Variants in NLGN1 observed in about 807,000 individuals in gnomAD.
The protein encoded by NLGN1 is neuroligin-1.
Under a neutral mutation model 65.5 loss-of-function variants are expected in NLGN1, and 12 were observed. The observed-to-expected ratio is 0.18, with a 90% CI of 0.12 to 0.30. NLGN1 has a LOEUF of 0.30. NLGN1 is among the 10% of genes least tolerant of loss of function. NLGN1 has a pLI of 1.00. For synonymous variants in NLGN1, 350 were observed against 359.5 expected, an observed-to-expected ratio of 0.97 and a Z score of 0.30; for missense variants, 750 against 1,007.1, an observed-to-expected ratio of 0.74 and a Z score of 3.46.
chr3:173,719,245 A>G (rs1056817432), intron 3 of NLGN1, among the ~76,000 whole-genome samples: 1 of 152,126 alleles, frequency 6.6e-6, no homozygotes, highest in African/African-American at 2.4e-5. Flanking sequence ...ATTTATTTTG[A>G]TCTCTGATTT....
intron 2 of NLGN1, among the ~76,000 whole-genome samples, chr3:173,602,498 C>T (rs1246933592): frequency 1.3e-5 from 2 of 151,934 alleles, no homozygotes; most frequent in African/African-American, 2.4e-5. Context: ...CAATCCTGTG[C>T]AATTTGCGTT....
intron 4 of NLGN1, among the ~76,000 whole-genome samples, chr3:174,154,083 A>G (rs1434780504): frequency 6.6e-6 from 1 of 152,064 alleles, no homozygotes; most frequent in Non-Finnish European, 1.5e-5. Flanking sequence ...TTTGATGATA[A>G]TTCATCTTTA....
chr3:173,475,211 A>G (rs1725988641), intron 2 of NLGN1, among the ~76,000 whole-genome samples: 2 of 152,198 alleles, frequency 1.3e-5, no homozygotes, highest in South Asian at 2.1e-4. Flanking sequence ...TTTCTAAACT[A>G]ACGTTATTTC....
chr3:173,413,208 A>C (rs1712960612), intron 1 of NLGN1, among the ~76,000 whole-genome samples: 1 of 152,112 alleles, frequency 6.6e-6, no homozygotes, highest in Non-Finnish European at 1.5e-5. Flanking sequence ...TTCTGCCTGC[A>C]GAACTTTTAA....
At chr3:174,071,005 T>C (rs1183335644) in intron 4 of NLGN1, among the ~76,000 whole-genome samples, 1 of 151,956 alleles carries the variant, frequency 6.6e-6, no homozygotes, top group Non-Finnish European at 1.5e-5. Flanking sequence ...CAATGAGTCA[T>C]GATCACGCCA....
intron 3 of NLGN1, among the ~76,000 whole-genome samples, chr3:173,725,455 A>G (rs779176793): frequency 6.6e-6 from 1 of 152,206 alleles, no homozygotes; most frequent in Non-Finnish European, 1.5e-5. Context: ...ATCTGCAGCA[A>G]TGCCTAGCAC....
chr3:173,950,188 C>T (rs1747931814), intron 4 of NLGN1, among the ~76,000 whole-genome samples: 1 of 152,150 alleles, frequency 6.6e-6, no homozygotes, highest in Middle Eastern at 3.4e-3. Flanking sequence ...ACAAATGGAA[C>T]TGTTGGTAAA....
chr3:174,234,128 G>A lies in NLGN1; in HGVS notation c.647-41187G>A, dbSNP rs574336364. On this transcript the variant is annotated intron_variant, in intron 4 of 6. Transcript: ENST00000457714. The stretch of plus-strand genomic sequence containing the variant: ...CCTCAGAAGAAAGAATTCAACCAAG[G>A]GGCATAAGGCAGAATGAGAAACTGA... Among the ~76,000 whole-genome samples the A allele has an allele frequency of 2.0e-5, 3 of 152,144 alleles. No individual in the cohort carries two copies. The South Asian group carries it at 6.2e-4, about 32-fold the overall frequency.
intron 4 of NLGN1, among the ~76,000 whole-genome samples, chr3:174,044,559 A>C (rs1240236809): frequency 6.6e-6 from 1 of 152,102 alleles, no homozygotes; most frequent in African/African-American, 2.4e-5. Context: ...TCCAGTTCTC[A>C]GTAAGTTCCT....
rs1157375698 is a variant in NLGN1 at position 173,758,774 on chromosome 3, T to A, written c.494-48906T>A. Among the ~76,000 whole-genome samples the A allele has an allele frequency of 3.3e-5, 5 of 152,136 alleles. No individual in the cohort carries two copies. The East Asian group carries it at 5.8e-4, about 18-fold the overall frequency. On this transcript the variant is annotated intron_variant, in intron 3 of 6. Coordinates refer to ENST00000457714, the Ensembl canonical transcript of NLGN1. ...TAAAAAAATAGCTAAGCAGTTACTA[T>A]ACCCAATTACATGAAGCTAAATAAA...
chr3:173,745,625 C>T lies in NLGN1; in HGVS notation c.494-62055C>T, dbSNP rs545146394. On this transcript the variant is annotated intron_variant, in intron 3 of 6. Coordinates refer to ENST00000457714, the Ensembl canonical transcript of NLGN1. ...GGAATTTTAATTGATGATCATCAGCCCCACACCTAACATTTTATAGATGAG... is the reference window on the plus strand; with the variant it reads ...GGAATTTTAATTGATGATCATCAGCTCCACACCTAACATTTTATAGATGAG... Among the ~76,000 whole-genome samples, 14 of 151,934 alleles carry T rather than the reference C, an allele frequency of 9.2e-5. No homozygotes were observed. In the South Asian group the frequency reaches 2.9e-3, roughly 32 times the overall value.
chr3:173,601,345 G>C (rs73880513), intron 2 of NLGN1, among the ~76,000 whole-genome samples: 2,326 of 152,164 alleles, frequency 0.015, 67 homozygotes, highest in African/African-American at 0.053. Context: ...CGTCTTAGGT[G>C]TCAATTAAAT....
intron 4 of NLGN1, among the ~76,000 whole-genome samples, chr3:173,814,046 G>A (rs1352664994): frequency 6.6e-6 from 1 of 152,246 alleles, no homozygotes; most frequent in Non-Finnish European, 1.5e-5. Flanking sequence ...GGCTAGGCCT[G>A]TGTCCTCCCA....
chr3:173,691,156 G>A (rs1239011683), intron 3 of NLGN1, among the ~76,000 whole-genome samples: 2 of 151,992 alleles, frequency 1.3e-5, no homozygotes, highest in Non-Finnish European at 2.9e-5. Flanking sequence ...AACATTTAGG[G>A]AATACTCCTA....
chr3:173,873,327 G>A (rs1311558275), intron 4 of NLGN1, among the ~76,000 whole-genome samples: 1 of 152,050 alleles, frequency 6.6e-6, no homozygotes, highest in Non-Finnish European at 1.5e-5. Flanking sequence ...GACCTGAAGT[G>A]ATCCGTCCAT....
intron 5 of NLGN1, among the ~76,000 whole-genome samples, chr3:174,276,506 A>G (rs1443966415): frequency 6.6e-6 from 1 of 151,934 alleles, no homozygotes. Context: ...TATATCCAAG[A>G]AAAAAGTATA....
At chr3:173,626,768 T>C (rs1273228751) in intron 3 of NLGN1, among the ~76,000 whole-genome samples, 1 of 152,126 alleles carries the variant, frequency 6.6e-6, no homozygotes, top group Non-Finnish European at 1.5e-5. Flanking sequence ...TTTATGACTC[T>C]TGGTTTACAA....
chr3:174,058,388 G>A (rs1009836576), intron 4 of NLGN1, among the ~76,000 whole-genome samples: 9 of 152,000 alleles, frequency 5.9e-5, no homozygotes, highest in African/African-American at 2.2e-4. Context: ...ATCTGAATTG[G>A]ACACACTTCC....
chr3:173,649,899 C>T (rs1301954748), intron 3 of NLGN1, among the ~76,000 whole-genome samples: 2 of 152,146 alleles, frequency 1.3e-5, no homozygotes, highest in African/African-American at 4.8e-5. Flanking sequence ...CAAAATAAAA[C>T]TATATGAAAA....
Sources: allele counts gnomAD v4.1 joint callset (sites outside exome capture counted in the v4.1 genomes callset), GRCh38; gene constraint gnomAD v4.1.1; transcripts MANE v1.5; gene names NCBI Gene and HGNC (gene_info 2026-07-23, HGNC 2026-07-21).